The following MIER1 variants were observed in gnomAD, a reference collection of about 807,000 sequenced individuals.
The protein encoded by MIER1 is mesoderm induction early response protein 1.
In MIER1, 40 loss-of-function variants were observed where a neutral mutation model predicts 75.7. The observed-to-expected ratio is 0.53, with a 90% CI of 0.41 to 0.69. MIER1 has a LOEUF of 0.69. MIER1 is among the 30% of genes least tolerant of loss of function. The probability of loss-of-function intolerance (pLI) is 0.00; values close to 1 mark genes in which losing one functional copy is unlikely to be tolerated. For synonymous variants in MIER1, 213 were observed against 223.4 expected (o/e 0.95, Z 0.42); for missense variants, 574 against 680.2 (o/e 0.84, Z 1.74).
chr1:66,967,221 T>TC (rs1662606212), intron 8 of MIER1, among the ~76,000 whole-genome samples: 1 of 152,228 alleles, frequency 6.6e-6, no homozygotes, highest in African/African-American at 2.4e-5. Flanking sequence ...TTCTTCTGCA[T>TC]ATGGATATCC....
intron 2 of MIER1, among the ~76,000 whole-genome samples, chr1:66,937,229 G>A (rs1387091488): frequency 6.6e-6 from 1 of 152,004 alleles, no homozygotes; most frequent in Non-Finnish European, 1.5e-5. Context: ...TAAAAGAGGT[G>A]GGCAGGGCAG....
intron 2 of MIER1, among the ~76,000 whole-genome samples, 182 bp from the exon 3 acceptor site, chr1:66,939,841 TGAAAG>T (rs1194151506): frequency 1.3e-5 from 2 of 152,108 alleles, no homozygotes; most frequent in Non-Finnish European, 2.9e-5. Context: ...TTAAATATAA[TGAAAG>T]GGAAGGGATT....
intron 4 of MIER1, 105 bp downstream of exon 4, chr1:66,946,400 A>G (rs910290125): frequency 5.0e-5 from 71 of 1,418,584 alleles, no homozygotes; most frequent in Non-Finnish European, 5.9e-5. Flanking sequence ...TGTGTTATAT[A>G]TTAATGACTG....
rs769265915 is a variant in MIER1, at chr1:66,946,302, A to G, written c.339+7A>G. 62 of 1,600,056 alleles carry G rather than the reference A, an allele frequency of 3.9e-5. No homozygotes were observed. The South Asian group carries it at 4.6e-4, about 12-fold the overall frequency. On this transcript the variant is annotated splice_region_variant and intron_variant, in intron 4 of 13. Coordinates refer to ENST00000401041, the MANE Select transcript of MIER1 (RefSeq NM_001077700.3). ...AATAGAAGATCTTGCAAGGGTAAAT[A>G]ACATGTAGAGCTAGGGTATGAATTG... is the stretch of plus-strand genomic sequence containing the variant.
rs1337357511 is a variant in MIER1 at position 66,985,951 on chromosome 1, A to G, written c.*1051A>G. 19 of 984,964 alleles carry G rather than the reference A, an allele frequency of 1.9e-5. No individual in the cohort carries two copies. Among genetic ancestry groups the G allele is most frequent in the Non-Finnish European group, 2.0e-5 (17 of 829,632 alleles). 61.0% of individuals were successfully genotyped at this position (984,964 alleles called of 1,614,324 possible). The stretch of plus-strand genomic sequence containing the variant: ...TCAAAATTATTTTTGAAGCAAGACA[A>G]AAGTTTAATGTCAGCTTAAGTGCTT... On this transcript the variant is annotated 3_prime_UTR_variant, in exon 14 of 14. Coordinates refer to ENST00000401041, the MANE Select transcript of MIER1 (RefSeq NM_001077700.3).
At chr1:66,969,706 T>C (rs534889630) in intron 8 of MIER1, among the ~76,000 whole-genome samples, 1 of 152,284 alleles carries the variant, frequency 6.6e-6, no homozygotes, top group South Asian at 2.1e-4. Context: ...TGTTGTCATT[T>C]ACATATTTGC....
In MIER1 at chr1:66,963,125, C is replaced by T; in HGVS notation, c.737C>T (p.Pro246Leu). The T allele has an allele frequency of 6.2e-7, 1 of 1,611,838 alleles. No individual in the cohort carries two copies. The highest frequency in any genetic ancestry group is 8.5e-7 in the Non-Finnish European group (1 of 1,178,506). Reference sequence around the variant, plus strand: ...GGCTCCATGTTTCAAGCAGAAATTCCAGTTGGCATTTGTAGATACAAAGAA... The same window carrying T: ...GGCTCCATGTTTCAAGCAGAAATTCTAGTTGGCATTTGTAGATACAAAGAA... ...MVGSMFQAEI[P>L]VGICRYKENE... Residue 246 changes from proline to leucine, a missense_variant, in exon 8 of 14, where the codon CCA becomes CTA. This residue lies in a region of MIER1 where 309 missense variants were observed against 352.8 expected (regional missense o/e 0.88). Coordinates refer to ENST00000401041, the MANE Select transcript of MIER1 (RefSeq NM_001077700.3).
chr1:66,967,895 TGGCG>T (rs1662752599), intron 8 of MIER1, among the ~76,000 whole-genome samples: 1 of 152,172 alleles, frequency 6.6e-6, no homozygotes, highest in Non-Finnish European at 1.5e-5. Context: ...TAGTTTTTTG[TGGCG>T]TCTTTAGGTT....
intron 2 of MIER1, among the ~76,000 whole-genome samples, chr1:66,928,118 A>G (rs1248583199): frequency 2.0e-5 from 3 of 152,084 alleles, no homozygotes; most frequent in African/African-American, 7.2e-5. Context: ...CTGAATCCAC[A>G]TTTATAAAAA....
chr1:66,980,025 A>G (rs575077274), intron 12 of MIER1, among the ~76,000 whole-genome samples: 2 of 152,200 alleles, frequency 1.3e-5, no homozygotes, highest in South Asian at 4.2e-4. Context: ...CGGCCTCCCA[A>G]AGTGCTGGGA....
At chr1:66,949,840 T>C (rs1358312432) in intron 4 of MIER1, among the ~76,000 whole-genome samples, 1 of 152,250 alleles carries the variant, frequency 6.6e-6, no homozygotes, top group Non-Finnish European at 1.5e-5. Flanking sequence ...TGATGTATTG[T>C]GGCAGAACTC....
At chr1:66,932,737 T>TAAGTGC (rs1653744771) in intron 2 of MIER1, 1 of 152,022 alleles carries the variant, frequency 6.6e-6, no homozygotes, top group South Asian at 2.1e-4. Context: ...GAAGTAACAG[T>TAAGTGC]AAGTGCAAAG....
intron 1 of MIER1, 118 bp downstream of exon 1, chr1:66,925,213 C>T (rs1651225720): frequency 1.6e-5 from 23 of 1,396,764 alleles, no homozygotes; most frequent in Non-Finnish European, 2.0e-5. Flanking sequence ...GTGTACCGCC[C>T]GGAAGACCCT....
At chr1:66,981,995 G>A (rs1665984356) in intron 13 of MIER1, 77 bp downstream of exon 13, 5 of 1,506,116 alleles carry the variant, frequency 3.3e-6, no homozygotes, top group Non-Finnish European at 4.6e-6. Context: ...AATTCCGTTT[G>A]GGTTTCTATT....
In MIER1 at chr1:66,930,432, G is replaced by T. The variant is rs766237836; in HGVS notation, c.168+4190G>T. ...GAGCGAGCTCCCCCTCCCTGTCCCG[G>T]AGCCGGGCGCCCCCGGCCCTGGGCC... On this transcript the variant is annotated intron_variant, in intron 2 of 13. Coordinates refer to ENST00000401041, the MANE Select transcript of MIER1 (RefSeq NM_001077700.3). 111 of 1,603,164 alleles carry T rather than the reference G, an allele frequency of 6.9e-5. No individual in the cohort carries two copies. In the Middle Eastern group the frequency reaches 7.8e-4, roughly 11 times the overall value.
chr1:66,946,316 G>C, intron 4 of MIER1, 21 bp downstream of exon 4: 1 of 1,560,604 alleles, frequency 6.4e-7, no homozygotes, highest in Non-Finnish European at 8.6e-7. Context: ...TGTAGAGCTA[G>C]GGTATGAATT....
chr1:66,977,950 G>C (rs1244754643), intron 12 of MIER1, among the ~76,000 whole-genome samples: 1 of 152,066 alleles, frequency 6.6e-6, no homozygotes, highest in African/African-American at 2.4e-5. Context: ...TGTAATCCCA[G>C]CACTTTGGGA....
chr1:66,985,573 C>T lies in MIER1; in HGVS notation c.*673C>T. 1 of 985,150 alleles carries T rather than the reference C, an allele frequency of 1.0e-6. No individual in the cohort carries two copies. Among genetic ancestry groups the T allele is most frequent in the Non-Finnish European group, 1.2e-6 (1 of 829,690 alleles). The allele number at this position is 985,150 out of a possible 1,614,324, so 61.0% of individuals were successfully genotyped here. A position where few individuals can be genotyped will look rare whatever the true frequency, so the allele number is the denominator to read the frequency against. On this transcript the variant is annotated 3_prime_UTR_variant, in exon 14 of 14. Transcript: ENST00000401041. ...CTGTATTTTTCCAGATTCTTTGTAG[C>T]CTTTGAAAGATTTTTACAGTACATA... is the stretch of plus-strand genomic sequence containing the variant.
chr1:66,953,212 G>A (rs1167175566), intron 4 of MIER1, among the ~76,000 whole-genome samples: 1 of 152,200 alleles, frequency 6.6e-6, no homozygotes, highest in African/African-American at 2.4e-5. Flanking sequence ...TTTCATGTGA[G>A]AAGACAAGTA....
Sources: allele counts gnomAD v4.1 joint callset (sites outside exome capture counted in the v4.1 genomes callset), GRCh38; gene constraint gnomAD v4.1.1; regional missense constraint gnomAD v4.1.1; transcripts MANE v1.5; gene names NCBI Gene and HGNC (gene_info 2026-07-23, HGNC 2026-07-21).